MACF1: variants seen among roughly 807,000 people sequenced by gnomAD.
The protein encoded by MACF1 is microtubule-actin cross-linking factor 1.
In MACF1, 193 loss-of-function variants were observed where a neutral mutation model predicts 854.8. The ratio of observed to expected loss-of-function variants is 0.23; its 90% CI spans 0.20 to 0.25. MACF1 has a LOEUF of 0.25. Ranked by LOEUF, MACF1 falls within the 10% of genes least tolerant of loss-of-function variation. The probability of loss-of-function intolerance (pLI) is 1.00; values close to 1 mark genes in which losing one functional copy is unlikely to be tolerated. For synonymous variants in MACF1, 3,185 were observed against 3,226.7 expected, an observed-to-expected ratio of 0.99 and a Z score of 0.44; for missense variants, 7,722 against 8,929.1, an observed-to-expected ratio of 0.86 and a Z score of 5.45.
At chr1:39,432,492 G>A (rs1292339755) in intron 66 of MACF1, 43 bp from the exon 67 acceptor site, 2 of 1,601,092 alleles carry the variant, frequency 1.2e-6, no homozygotes, top group Admixed American at 1.7e-5. Flanking sequence ...GTGGAGACTT[G>A]GCTGTATATA....
intron 2 of MACF1, among the ~76,000 whole-genome samples, chr1:39,248,772 T>C (rs1217549410): frequency 6.6e-6 from 1 of 152,156 alleles, no homozygotes; most frequent in African/African-American, 2.4e-5. Flanking sequence ...CTGTCGCCTA[T>C]GCTGGAGTAT....
At chr1:39,337,459 G>C in intron 38 of MACF1, 128 bp downstream of exon 38, 1 of 841,130 alleles carries the variant, frequency 1.2e-6, no homozygotes, top group Non-Finnish European at 1.7e-6. Flanking sequence ...TCAGACCCTT[G>C]TCAGATAATT....
chr1:39,258,472 A>C (rs1415922982), intron 6 of MACF1, among the ~76,000 whole-genome samples: 1 of 152,226 alleles, frequency 6.6e-6, no homozygotes, highest in Admixed American at 6.5e-5. Flanking sequence ...CGTTAATTAG[A>C]ATACTTTAGT....
At chr1:39,423,884 T>C (rs1340521624) in intron 60 of MACF1, 144 bp from the exon 61 acceptor site, 8 of 582,920 alleles carry the variant, frequency 1.4e-5, no homozygotes, top group Non-Finnish European at 2.1e-5. Context: ...ATATCTCCTG[T>C]TTTTGCCCCA....
At chr1:39,225,374 G>A (rs990958824) in intron 1 of MACF1, among the ~76,000 whole-genome samples, 19 of 150,638 alleles carry the variant, frequency 1.3e-4, no homozygotes, top group Non-Finnish European at 1.8e-4. Flanking sequence ...CCGCCACCGC[G>A]CCCGGCTAAT....
intron 58 of MACF1, chr1:39,414,412 G>T (rs1272992586): frequency 6.2e-7 from 1 of 1,614,000 alleles, no homozygotes; most frequent in Non-Finnish European, 8.5e-7. Flanking sequence ...CATAAAAGAG[G>T]TGACCAGCAC....
chr1:39,392,678 C>T (rs1362894853), intron 58 of MACF1, among the ~76,000 whole-genome samples: 2 of 152,148 alleles, frequency 1.3e-5, no homozygotes, highest in East Asian at 1.9e-4. Context: ...TTACTTGGGA[C>T]TGTACAGTCT....
chr1:39,410,940 T>C (rs1342415090), intron 58 of MACF1: 1 of 1,613,974 alleles, frequency 6.2e-7, no homozygotes, highest in Admixed American at 1.7e-5. Flanking sequence ...AGCAGCACAG[T>C]GCAAACCCTC....
At chr1:39,316,286 AT>A in intron 27 of MACF1, 104 bp from the exon 28 acceptor site, 1 of 877,022 alleles carries the variant, frequency 1.1e-6, no homozygotes, top group Non-Finnish European at 1.6e-6. Context: ...GGTGACATTG[AT>A]TTTGGTTATT....
At chr1:39,341,965 TG>T (rs1646944945) in intron 40 of MACF1, among the ~76,000 whole-genome samples, 1 of 152,008 alleles carries the variant, frequency 6.6e-6, no homozygotes, top group African/African-American at 2.4e-5. Context: ...CTGCATGTCA[TG>T]AGGGTTTGAT....
At chr1:39,313,457 C>T (rs569388367) in intron 26 of MACF1, among the ~76,000 whole-genome samples, 11 of 152,186 alleles carry the variant, frequency 7.2e-5, no homozygotes, top group Middle Eastern at 3.4e-3. Context: ...CTAATTCTGT[C>T]GTTCCTTCTA....
Position 39,388,468 on chromosome 1 carries a change from G to A in MACF1, c.15626G>A (p.Cys5209Tyr). The part of the protein sequence containing the change: ...KRELEALNKQ[C>Y]GKLTERGKAR... ...GAGCTAGAAGCCCTGAACAAACAGTGTGGCAAACTGACAGAGAGGGGGAAA... is the reference window on the plus strand; with the variant it reads ...GAGCTAGAAGCCCTGAACAAACAGTATGGCAAACTGACAGAGAGGGGGAAA... Residue 5209 changes from cysteine (C) to tyrosine (Y), a missense_variant, in exon 58 of 101, where the codon TGT (cysteine) becomes TAT (tyrosine). Physicochemically the swap from Cys to Tyr is radical, Grantham distance 194 (BLOSUM62 -2). Coordinates refer to ENST00000564288, the MANE Select transcript of MACF1 (RefSeq NM_001394062.1). The A allele has an allele frequency of 6.2e-7, 1 of 1,614,176 alleles. No individual in the cohort carries two copies. The highest frequency in any genetic ancestry group is 2.2e-5 in the East Asian group (1 of 44,882).
At chr1:39,398,937 T>A (rs945583439) in intron 58 of MACF1, among the ~76,000 whole-genome samples, 2 of 152,216 alleles carry the variant, frequency 1.3e-5, no homozygotes, top group African/African-American at 4.8e-5. Context: ...TATCAGACTA[T>A]GTTTCTTTTG....
intron 2 of MACF1, among the ~76,000 whole-genome samples, chr1:39,165,657 C>T (rs185460223): frequency 6.6e-6 from 1 of 152,194 alleles, no homozygotes; most frequent in Non-Finnish European, 1.5e-5. Context: ...AAGGTTAAGG[C>T]CTTCATCCTC....
At chr1:39,172,103 A>G (rs1249590670) in intron 2 of MACF1, among the ~76,000 whole-genome samples, 1 of 152,218 alleles carries the variant, frequency 6.6e-6, no homozygotes, top group Non-Finnish European at 1.5e-5. Context: ...TCAGCTGCAG[A>G]AGAGCCATTG....
chr1:39,124,919 G>C (rs1287066417), intron 2 of MACF1, among the ~76,000 whole-genome samples: 1 of 152,178 alleles, frequency 6.6e-6, no homozygotes, highest in Non-Finnish European at 1.5e-5. Context: ...TCTTATTCCA[G>C]CATCTGTGCT....
chr1:39,350,615 A>G (rs1010900324), intron 42 of MACF1, among the ~76,000 whole-genome samples, 170 bp from the exon 43 acceptor site: 3 of 152,248 alleles, frequency 2.0e-5, no homozygotes, highest in Non-Finnish European at 2.9e-5. Flanking sequence ...TTTGCTTAGA[A>G]AACAAAATCA....
At chr1:39,393,196 A>AAAAAAATATAT (rs57576149) in intron 58 of MACF1, among the ~76,000 whole-genome samples, 5 of 66,562 alleles carry the variant, frequency 7.5e-5, no homozygotes, top group African/African-American at 4.2e-4. Flanking sequence ...AAAAAAAAAA[A>AAAAAAATATAT]ATATATATAT....
At chr1:39,117,121 T>G (rs1331182953) in intron 2 of MACF1, among the ~76,000 whole-genome samples, 1 of 152,198 alleles carries the variant, frequency 6.6e-6, no homozygotes, top group Non-Finnish European at 1.5e-5. Context: ...CTGCTTTACC[T>G]TAACAGGTTC....
Sources: gnomAD v4.1 joint callset for allele counts (sites outside exome capture counted in the v4.1 genomes callset) on GRCh38, gnomAD v4.1.1 for gene constraint, MANE v1.5 for transcripts, NCBI Gene and HGNC (gene_info 2026-07-23, HGNC 2026-07-21) for gene names.